The following PARG variants were observed in gnomAD, a reference collection of about 807,000 sequenced individuals.
PARG encodes poly(ADP-ribose) glycohydrolase.
PARG carries 35 observed loss-of-function variants against 113.0 expected under a neutral mutation model. The ratio of observed to expected loss-of-function variants is 0.31; its 90% confidence interval spans 0.24 to 0.41. PARG has a LOEUF of 0.41. Ranked by LOEUF, PARG falls within the 10% of genes least tolerant of loss-of-function variation. PARG has a pLI of 1.00. For missense variants in PARG, 797 were observed against 1,169.4 expected (o/e 0.68, Z 4.64); for synonymous variants, 330 against 409.9 (o/e 0.81, Z 2.36).
intron 6 of PARG, among the ~76,000 whole-genome samples, chr10:49,918,095 T>C (rs546908515): frequency 6.6e-6 from 1 of 152,016 alleles, no homozygotes; most frequent in Non-Finnish European, 1.5e-5. Context: ...AAGAACAGAT[T>C]AGTAGTTGTC....
rs1224482887 is a variant in PARG at position 49,893,545 on chromosome 10, C to G, written c.1738-8250G>C. ...TCTATTTATTTATGTGAGACAGGGT[C>G]TCACTGTGTCGCCAAAGCTGGAGTG... On this transcript the variant is annotated intron_variant, in intron 7 of 17. Coordinates refer to ENST00000616448, the MANE Select transcript of PARG (RefSeq NM_003631.5). Among the ~76,000 whole-genome samples the G allele has an allele frequency of 2.6e-5, 4 of 152,286 alleles. No homozygotes were observed. In the East Asian group the frequency reaches 7.7e-4, roughly 29 times the overall value.
chr10:49,825,836 T>TA (rs372781948), intron 16 of PARG, among the ~76,000 whole-genome samples: 124 of 152,288 alleles, frequency 8.1e-4, no homozygotes, highest in African/African-American at 3.0e-3. Context: ...CACAGATAGT[T>TA]AAAAAAATTC....
chr10:49,893,794 C>T (rs1157966228), intron 7 of PARG, among the ~76,000 whole-genome samples: 10 of 151,806 alleles, frequency 6.6e-5, no homozygotes, highest in South Asian at 6.2e-4. Context: ...CCCAAGTTCA[C>T]GCCATTCTCC....
At position 49,933,548 on chromosome 10, in the gene PARG, G is replaced by A. The variant is rs1554910474; in HGVS notation, c.900C>T (p.Pro300=). The change falls in exon 3 of 18, where the codon CCC becomes CCT. Residue 300 remains proline, a synonymous_variant. Transcript: ENST00000616448. ...AATTATCCACATCCATCGGTGACTC[G>A]GGTTCACTTTCCTTCTCAAATGGAG... is the stretch of plus-strand genomic sequence containing the variant. ...NSPPFEKESE[P]ESPMDVDNSK... 1.3e-5 allele frequency: 21 copies of A among 1,611,104 alleles called. No homozygotes were observed. The Middle Eastern group carries it at 4.9e-4, about 38-fold the overall frequency.
At chr10:49,832,724 G>C in intron 16 of PARG, 79 bp downstream of exon 16, 1 of 694,642 alleles carries the variant, frequency 1.4e-6, no homozygotes, top group Non-Finnish European at 2.5e-6. Context: ...TCTCATGACA[G>C]GACATGAGAA....
intron 4 of PARG, among the ~76,000 whole-genome samples, chr10:49,923,450 A>G (rs1837995870): frequency 6.6e-6 from 1 of 152,204 alleles, no homozygotes; most frequent in African/African-American, 2.4e-5. Context: ...GTGTACGTGT[A>G]CACATGCAAA....
At position 49,933,282 on chromosome 10, in the gene PARG, T is replaced by C; in HGVS notation, c.1166A>G (p.Asn389Ser). Residue 389 changes from asparagine to serine, a missense_variant, in exon 3 of 18, where the codon AAT becomes AGT. Coordinates refer to ENST00000616448, the MANE Select transcript of PARG (RefSeq NM_003631.5). Reference sequence around the variant, plus strand: ...GCATTCTACATTCAGGCTAGAAATATTTCCAGGTAGTTTAGCATTTAAATC... The same window carrying C: ...GCATTCTACATTCAGGCTAGAAATACTTCCAGGTAGTTTAGCATTTAAATC... ...MNDLNAKLPGNISSLNVECRN... is the reference protein window; with the variant it reads ...MNDLNAKLPGSISSLNVECRN... 6.2e-7 allele frequency: 1 copy of C among 1,605,658 alleles called. No homozygotes were observed. Among genetic ancestry groups the C allele is most frequent in the Non-Finnish European group, 8.5e-7 (1 of 1,174,068 alleles).
chr10:49,922,106 G>T (rs543136128), intron 6 of PARG, among the ~76,000 whole-genome samples: 1 of 152,162 alleles, frequency 6.6e-6, no homozygotes, highest in Admixed American at 6.5e-5. Flanking sequence ...AGAAACAGAG[G>T]TATTATTCCT....
chr10:49,913,416 AG>A (rs1837304760), intron 7 of PARG, among the ~76,000 whole-genome samples: 1 of 152,264 alleles, frequency 6.6e-6, no homozygotes, highest in African/African-American at 2.4e-5. Flanking sequence ...GCAACCATTA[AG>A]GCTAAACATT....
intron 16 of PARG, among the ~76,000 whole-genome samples, chr10:49,827,288 T>G (rs1041100340): frequency 3.9e-5 from 6 of 152,240 alleles, no homozygotes; most frequent in Non-Finnish European, 8.8e-5. Context: ...TCATTGAGCA[T>G]ATTTTATTTG....
At chr10:49,919,954 G>A (rs1412958746) in intron 6 of PARG, among the ~76,000 whole-genome samples, 4 of 152,066 alleles carry the variant, frequency 2.6e-5, no homozygotes, top group Admixed American at 6.5e-5. Flanking sequence ...TCTTTATGTA[G>A]TATTTTAAAG....
intron 7 of PARG, among the ~76,000 whole-genome samples, chr10:49,893,146 T>TA (rs1554841937): frequency 8.0e-6 from 1 of 125,398 alleles, no homozygotes; most frequent in Non-Finnish European, 1.9e-5. Context: ...TCAGTTTTTC[T>TA]AAAAAACAGC....
At chr10:49,932,760 A>C (rs1260707055) in intron 3 of PARG, among the ~76,000 whole-genome samples, 1 of 152,106 alleles carries the variant, frequency 6.6e-6, no homozygotes, top group Admixed American at 6.6e-5. Context: ...CTCTTACCCA[A>C]ATCTCAGTTA....
At chr10:49,874,331 T>C (rs551681918) in intron 9 of PARG, among the ~76,000 whole-genome samples, 2 of 152,318 alleles carry the variant, frequency 1.3e-5, no homozygotes, top group African/African-American at 4.8e-5. Context: ...TCAACATTCA[T>C]TTACATAAAG....
At chr10:49,912,353 A>T (rs1225620284) in intron 7 of PARG, among the ~76,000 whole-genome samples, 18 of 152,128 alleles carry the variant, frequency 1.2e-4, no homozygotes, top group Admixed American at 2.0e-4. Flanking sequence ...AACCCTGCTA[A>T]TAAACAATGT....
intron 7 of PARG, among the ~76,000 whole-genome samples, chr10:49,899,556 CG>C (rs1564642233): frequency 6.6e-6 from 1 of 152,148 alleles, no homozygotes; most frequent in Non-Finnish European, 1.5e-5. Flanking sequence ...AAACTCCAAC[CG>C]GTTTTCAGGA....
chr10:49,881,523 C>G (rs1847214282), intron 8 of PARG, among the ~76,000 whole-genome samples: 3 of 152,170 alleles, frequency 2.0e-5, no homozygotes, highest in Admixed American at 2.0e-4. Context: ...AGACCCAGAA[C>G]TAAGAGTTTC....
At chr10:49,848,885 T>C (rs1845631684) in intron 13 of PARG, among the ~76,000 whole-genome samples, 1 of 151,398 alleles carries the variant, frequency 6.6e-6, no homozygotes, top group African/African-American at 2.4e-5. Flanking sequence ...TACTAGTGAG[T>C]AAAACTGACA....
intron 7 of PARG, among the ~76,000 whole-genome samples, chr10:49,887,688 T>C (rs1431524247): frequency 2.0e-5 from 3 of 152,116 alleles, no homozygotes; most frequent in African/African-American, 7.2e-5. Flanking sequence ...TATTCCATGG[T>C]TTGTTTAGCA....
Sources: allele counts gnomAD v4.1 joint callset (sites outside exome capture counted in the v4.1 genomes callset), GRCh38; gene constraint gnomAD v4.1.1; transcripts MANE v1.5; gene names NCBI Gene and HGNC (gene_info 2026-07-23, HGNC 2026-07-21).